RANBP2: variants seen among roughly 807,000 people sequenced by gnomAD.
RANBP2 encodes the protein RAN binding protein 2.
Under a neutral mutation model 303.6 loss-of-function variants are expected in RANBP2, and 57 were observed. The observed-to-expected ratio is 0.19, with a 90% CI of 0.15 to 0.23. The LOEUF is 0.23. RANBP2 is among the 10% of genes least tolerant of loss of function. The pLI is 1.00. For synonymous variants in RANBP2, 1,167 were observed against 1,301.5 expected (o/e 0.90, Z 2.23); for missense variants, 3,138 against 3,780.8 (o/e 0.83, Z 4.46).
the RANBP2 span, among the ~76,000 whole-genome samples, chr2:109,263,801 C>T: frequency 6.6e-6 from 1 of 152,176 alleles, no homozygotes; most frequent in East Asian, 1.9e-4. Context: ...GCCGTCTCTA[C>T]TAAAAAAATA....
the RANBP2 span, among the ~76,000 whole-genome samples, chr2:108,970,153 G>A: frequency 2.0e-5 from 3 of 152,148 alleles, no homozygotes; most frequent in East Asian, 1.9e-4. Flanking sequence ...ACTGAGAGGG[G>A]AGCATCGCCT....
At chr2:109,238,777 A>G in the RANBP2 span, among the ~76,000 whole-genome samples, 1 of 152,062 alleles carries the variant, frequency 6.6e-6, no homozygotes, top group Non-Finnish European at 1.5e-5. Flanking sequence ...GGCTCTTGCA[A>G]TACAGAGGCA....
chr2:108,856,618 T>C, the RANBP2 span: 2 of 166,110 alleles, frequency 1.2e-5, no homozygotes, highest in Non-Finnish European at 1.2e-5. Flanking sequence ...CCTCTCTCCT[T>C]ACCCATTTGA....
chr2:109,306,156 C>T, the RANBP2 span, among the ~76,000 whole-genome samples: 4 of 152,268 alleles, frequency 2.6e-5, no homozygotes, highest in East Asian at 3.9e-4. Context: ...GTCAACACGT[C>T]GCTTATAGAG....
At chr2:109,108,228 A>G in the RANBP2 span, among the ~76,000 whole-genome samples, 2 of 151,704 alleles carry the variant, frequency 1.3e-5, no homozygotes, top group Admixed American at 1.3e-4. Context: ...TTTAGTAGAG[A>G]CGGGGTTTCA....
At chr2:108,798,194 C>G in the RANBP2 span, among the ~76,000 whole-genome samples, 29 of 152,150 alleles carry the variant, frequency 1.9e-4, no homozygotes, top group Admixed American at 1.9e-3. Context: ...ACCCTAAATT[C>G]TCTTGCATCA....
the RANBP2 span, among the ~76,000 whole-genome samples, chr2:109,538,287 A>G: frequency 6.6e-6 from 1 of 152,138 alleles, no homozygotes; most frequent in South Asian, 2.1e-4. Context: ...CCACACCTAG[A>G]CAGTCCAGGA....
At chr2:109,708,560 A>G in the RANBP2 span, among the ~76,000 whole-genome samples, 1 of 151,386 alleles carries the variant, frequency 6.6e-6, no homozygotes, top group African/African-American at 2.4e-5. Flanking sequence ...GGGAGGCTGA[A>G]GGTTGCAGTG....
At chr2:109,391,335 A>G in the RANBP2 span, among the ~76,000 whole-genome samples, 13 of 152,218 alleles carry the variant, frequency 8.5e-5, no homozygotes, top group Non-Finnish European at 1.3e-4. Context: ...CAGGGCTAGA[A>G]TGCAAACACC....
At chr2:109,647,340 T>G in the RANBP2 span, among the ~76,000 whole-genome samples, 9 of 152,148 alleles carry the variant, frequency 5.9e-5, no homozygotes, top group African/African-American at 1.9e-4. Flanking sequence ...ATTTTTGTAT[T>G]TTTAGTAGAG....
the RANBP2 span, among the ~76,000 whole-genome samples, chr2:109,040,434 C>T: frequency 6.6e-6 from 1 of 152,150 alleles, no homozygotes; most frequent in Admixed American, 6.6e-5. Context: ...GTGCTCGACT[C>T]TGCTGGACAA....
At chr2:109,145,412 G>C in the RANBP2 span, among the ~76,000 whole-genome samples, 1 of 152,118 alleles carries the variant, frequency 6.6e-6, no homozygotes, top group African/African-American at 2.4e-5. Context: ...GTTCATTCCT[G>C]CTGTTGGCTC....
chr2:109,684,244 A>C, the RANBP2 span, among the ~76,000 whole-genome samples: 2 of 10,032 alleles, frequency 2.0e-4, no homozygotes, highest in Admixed American at 1.6e-3. Context: ...ACCCGGTCTT[A>C]CTTTTTTTTT....
At chr2:108,724,111 G>T (rs1258997456) in intron 1 of RANBP2, among the ~76,000 whole-genome samples, 1 of 152,046 alleles carries the variant, frequency 6.6e-6, no homozygotes, top group African/African-American at 2.4e-5. Context: ...CTTTGTTTTG[G>T]TGTAGCATAG....
the RANBP2 span, among the ~76,000 whole-genome samples, chr2:109,695,268 G>C: frequency 6.6e-6 from 1 of 152,068 alleles, no homozygotes; most frequent in African/African-American, 2.4e-5. Context: ...TCCAACATGA[G>C]ATTCATCTTG....
intron 18 of RANBP2, among the ~76,000 whole-genome samples, chr2:108,759,969 T>C (rs1316594335): frequency 6.6e-6 from 1 of 152,192 alleles, no homozygotes; most frequent in Non-Finnish European, 1.5e-5. Flanking sequence ...CATTTTACAA[T>C]TGAGAAACAT....
chr2:109,354,365 G>A, the RANBP2 span, among the ~76,000 whole-genome samples: 2 of 152,208 alleles, frequency 1.3e-5, no homozygotes, highest in Non-Finnish European at 2.9e-5. Context: ...TTGCTTCTAG[G>A]AAACCACTCG....
the RANBP2 span, among the ~76,000 whole-genome samples, chr2:108,955,101 C>T: frequency 6.6e-6 from 1 of 152,120 alleles, no homozygotes; most frequent in African/African-American, 2.4e-5. Context: ...ATTATAAGAA[C>T]AGGACTCTAA....
At chr2:109,271,933 C>T in the RANBP2 span, among the ~76,000 whole-genome samples, 1 of 152,226 alleles carries the variant, frequency 6.6e-6, no homozygotes, top group Non-Finnish European at 1.5e-5. Flanking sequence ...GCCCTGGATC[C>T]TCCTTTGTGT....
Sources: gnomAD v4.1 joint callset for allele counts (sites outside exome capture counted in the v4.1 genomes callset) on GRCh38, gnomAD v4.1.1 for gene constraint, MANE v1.5 for transcripts, NCBI Gene and HGNC (gene_info 2026-07-23, HGNC 2026-07-21) for gene names.